The following GNL1 variants were observed in gnomAD, a reference collection of about 807,000 sequenced individuals.
The protein encoded by GNL1 is G protein nucleolar 1.
Under a neutral mutation model 75.2 loss-of-function variants are expected in GNL1, and 21 were observed. The observed-to-expected ratio is 0.28, with a 90% CI of 0.20 to 0.40. The LOEUF is 0.40. Among genes scored for constraint, GNL1 ranks in the 10% least tolerant of loss-of-function variants. The probability of loss-of-function intolerance (pLI) is 1.00; values close to 1 mark genes in which losing one functional copy is unlikely to be tolerated. For synonymous variants in GNL1, 287 were observed against 303.4 expected (o/e 0.95, Z 0.56); for missense variants, 579 against 775.0 (o/e 0.75, Z 3.00).
At chr6:30,554,031 TGTGA>T (rs764382603) in intron 5 of GNL1, among the ~76,000 whole-genome samples, 7 of 152,208 alleles carry the variant, frequency 4.6e-5, no homozygotes, top group African/African-American at 7.2e-5. Flanking sequence ...ATGATGTACG[TGTGA>T]GTATGTGTGT....
At position 30,547,196 on chromosome 6, in the gene GNL1, C is replaced by G; in HGVS notation, c.1357G>C (p.Val453Leu). ...AVGYLASRIP[V>L]QALLHLRHPE... ...TGGCGCAGGTGGAGCAGGGCCTGCA[C>G]GGGAATTCGGGAGGCCAGGTAGCCC... Residue 453 changes from valine to leucine, a missense_variant, in exon 10 of 12, where the codon GTG (valine) becomes CTG (leucine). Physicochemically the swap from Val to Leu is conservative, Grantham distance 32. Coordinates refer to ENST00000376621, the MANE Select transcript of GNL1 (RefSeq NM_005275.5). This position sits in a 1 kb window ranked among gnomAD's most constrained non-coding sequence, Gnocchi z 5.5. 1 of 1,612,972 alleles carries G rather than the reference C, an allele frequency of 6.2e-7. No homozygotes were observed.
Position 30,545,992 on chromosome 6 carries a change from TG to T in GNL1, c.*79del. 3 of 952,752 alleles carry T rather than the reference TG, an allele frequency of 3.1e-6. No individual in the cohort carries two copies. Among genetic ancestry groups the T allele is most frequent in the South Asian group, 1.5e-5 (1 of 67,642 alleles). The allele number at this position is 952,752 out of a possible 1,614,324, so 59.0% of individuals were successfully genotyped here. ...AAAGCAAACAATCTTTATTCACAAT[TG>T]GGGTGGCAGAGGGGAGATACCCCCA... On this transcript the variant is annotated 3_prime_UTR_variant, in exon 12 of 12. Transcript: ENST00000376621.
rs1470458326 is a variant in GNL1 at position 30,545,144 on chromosome 6, T to A, written c.*928A>T. The A allele has an allele frequency of 6.6e-6, 1 of 152,104 alleles. No individual in the cohort carries two copies. Among genetic ancestry groups the A allele is most frequent in the Non-Finnish European group, 1.5e-5 (1 of 68,026 alleles). 9.4% of individuals were successfully genotyped at this position (152,104 alleles called of 1,614,324 possible). ...TGTTCCACCCCCAAACCAGAGTAAA[T>A]GGAATTCAGGAGGCTGGTTCTGTGC... On this transcript the variant is annotated 3_prime_UTR_variant, in exon 12 of 12. Coordinates refer to ENST00000376621, the MANE Select transcript of GNL1 (RefSeq NM_005275.5).
Position 30,552,727 on chromosome 6 carries a change from G to A in GNL1, c.905-66C>T. ...GCTGCTGTGCATGATGGCACATACT[G>A]TGCCCTGCACAGATTATGTAACTGG... On this transcript the variant is annotated intron_variant, in intron 7 of 11. Coordinates refer to ENST00000376621, the MANE Select transcript of GNL1 (RefSeq NM_005275.5). This position sits in a 1 kb window ranked among gnomAD's most constrained non-coding sequence, Gnocchi z 4.5. 3 of 1,431,984 alleles carry A rather than the reference G, an allele frequency of 2.1e-6. No homozygotes were observed. The South Asian group carries it at 3.8e-5, about 18-fold the overall frequency. 88.7% of individuals were successfully genotyped at this position (1,431,984 alleles called of 1,614,324 possible).
At position 30,556,266 on chromosome 6, in the gene GNL1, C is replaced by G. The variant is rs571818598; in HGVS notation, c.-63G>C. 1.9e-6 allele frequency: 3 copies of G among 1,560,058 alleles called. No individual in the cohort carries two copies. The Middle Eastern group carries it at 5.0e-4, about 260-fold the overall frequency. On this transcript the variant is annotated 5_prime_UTR_variant, in exon 1 of 12. Coordinates refer to ENST00000376621, the MANE Select transcript of GNL1 (RefSeq NM_005275.5). This position sits in a 1 kb window ranked among gnomAD's most constrained non-coding sequence, Gnocchi z 5.7. The stretch of plus-strand genomic sequence containing the variant: ...TCCCGCCGCCTCAACTGACTGCCCC[C>G]CGGGGCAGCCCCCGCCGCAGGGGCC...
Position 30,552,373 on chromosome 6 carries a change from G to T in GNL1, c.1099+94C>A. On this transcript the variant is annotated intron_variant, in intron 8 of 11. Coordinates refer to ENST00000376621, the MANE Select transcript of GNL1 (RefSeq NM_005275.5). This position sits in a 1 kb window ranked among gnomAD's most constrained non-coding sequence, Gnocchi z 4.5. ...AGAGATCACCCCTCAGACACCCTGG[G>T]GCCTAATGAGACCTGATCGCCCTCT... 9.5e-7 allele frequency: 1 copy of T among 1,050,560 alleles called. No individual in the cohort carries two copies. Among genetic ancestry groups the T allele is most frequent in the East Asian group, 2.4e-5 (1 of 41,500 alleles). The allele number at this position is 1,050,560 out of a possible 1,614,324, so 65.1% of individuals were successfully genotyped here.
rs772958836 is a variant in GNL1, at chr6:30,547,280, G to A, written c.1279-6C>T. 3.2e-6 allele frequency: 5 copies of A among 1,586,404 alleles called. No homozygotes were observed. The South Asian group carries it at 5.7e-5, about 18-fold the overall frequency. ...GGGTAGATCCCTGCCAGAACCTGAG[G>A]GAAATGAGCACTCAGTACTTTCCTC... On this transcript the variant is annotated splice_polypyrimidine_tract_variant and splice_region_variant and intron_variant, in intron 9 of 11. Coordinates refer to ENST00000376621, the MANE Select transcript of GNL1 (RefSeq NM_005275.5). This position sits in a 1 kb window ranked among gnomAD's most constrained non-coding sequence, Gnocchi z 5.5.
At position 30,546,364 on chromosome 6, in the gene GNL1, A is replaced by G. The variant is rs1482122138; in HGVS notation, c.1583-51T>C. ...TGGAGGAGAGTTTTGAGCAAGAACT[A>G]AAGCCAAGGAAAGATGGGGAAGAGG... On this transcript the variant is annotated intron_variant, in intron 11 of 11. Coordinates refer to ENST00000376621, the MANE Select transcript of GNL1 (RefSeq NM_005275.5). The surrounding 1 kb of genome is among the most constrained non-coding windows in gnomAD (Gnocchi z 5.1). 2.7e-6 allele frequency: 3 copies of G among 1,111,508 alleles called. No individual in the cohort carries two copies. The highest frequency in any genetic ancestry group is 4.0e-6 in the Non-Finnish European group (3 of 756,178). 68.9% of individuals were successfully genotyped at this position (1,111,508 alleles called of 1,614,324 possible).
chr6:30,547,143 T>C lies in GNL1; in HGVS notation c.1410A>G (p.Glu470=), dbSNP rs1799500276. The C allele has an allele frequency of 1.9e-6, 3 of 1,612,410 alleles. No homozygotes were observed. In the African/African-American group the frequency reaches 4.0e-5, roughly 22 times the overall value. ...RHPEAEDPSA[E]HPWCAWDICE... The stretch of plus-strand genomic sequence containing the variant: ...AGATGTCCCAGGCACACCAGGGGTG[T>C]TCCGCTGAGGGGTCCTCAGCCTCTG... The change falls in exon 10 of 12, where the codon GAA becomes GAG. Residue 470 remains glutamate (E), a synonymous_variant. Coordinates refer to ENST00000376621, the MANE Select transcript of GNL1 (RefSeq NM_005275.5). The surrounding 1 kb of genome is among the most constrained non-coding windows in gnomAD (Gnocchi z 5.5).
Position 30,548,880 on chromosome 6 carries a change from GCTAT to G in GNL1, c.1100-1354_1100-1351del, listed in dbSNP as rs1330067131. Among the ~76,000 whole-genome samples the G allele has an allele frequency of 4.6e-5, 7 of 152,142 alleles. No homozygotes were observed. The highest frequency in any genetic ancestry group is 8.8e-5 in the Non-Finnish European group (6 of 68,030). ...CCTACTTTTTTCACCATTTCTTCCTGCTATCTTCTTTGTAACTGTAAACTACAAC... is the reference window on the plus strand; with the variant it reads ...CCTACTTTTTTCACCATTTCTTCCTGCTTCTTTGTAACTGTAAACTACAAC... On this transcript the variant is annotated intron_variant, in intron 8 of 11. Coordinates refer to ENST00000376621, the MANE Select transcript of GNL1 (RefSeq NM_005275.5). The surrounding 1 kb of genome is among the most constrained non-coding windows in gnomAD (Gnocchi z 4.2).
chr6:30,546,037 G>A lies in GNL1; in HGVS notation c.*35C>T. On this transcript the variant is annotated 3_prime_UTR_variant, in exon 12 of 12. Coordinates refer to ENST00000376621, the MANE Select transcript of GNL1 (RefSeq NM_005275.5). The surrounding 1 kb of genome is among the most constrained non-coding windows in gnomAD (Gnocchi z 5.1). The stretch of plus-strand genomic sequence containing the variant: ...ACCCCCAGGTCAGTCCAAAAGCAAA[G>A]ATACTGGGAGGGAAGATGGCGCTGG... 6.6e-6 allele frequency: 10 copies of A among 1,518,316 alleles called. No individual in the cohort carries two copies. The highest frequency in any genetic ancestry group is 9.1e-6 in the Non-Finnish European group (10 of 1,104,828). 94.1% of individuals were successfully genotyped at this position (1,518,316 alleles called of 1,614,324 possible). A position where few individuals can be genotyped will look rare whatever the true frequency, so the allele number is the denominator to read the frequency against.
In GNL1 at chr6:30,552,170, T is replaced by A. The variant is rs1438523385; in HGVS notation, c.1099+297A>T. On this transcript the variant is annotated intron_variant, in intron 8 of 11. Coordinates refer to ENST00000376621, the MANE Select transcript of GNL1 (RefSeq NM_005275.5). This position sits in a 1 kb window ranked among gnomAD's most constrained non-coding sequence, Gnocchi z 4.5. ...CATGAGCCCTCACACATGGCCGTCA[T>A]CCATTCTTTTACTCAGGTATCAATG... is the stretch of plus-strand genomic sequence containing the variant. 1 of 406,014 alleles carries A rather than the reference T, an allele frequency of 2.5e-6. No homozygotes were observed. The allele number at this position is 406,014 out of a possible 1,614,324, so 25.2% of individuals were successfully genotyped here.
Position 30,547,793 on chromosome 6 carries a change from T to G in GNL1, c.1100-263A>C. On this transcript the variant is annotated intron_variant, in intron 8 of 11. Transcript: ENST00000376621. This position sits in a 1 kb window ranked among gnomAD's most constrained non-coding sequence, Gnocchi z 5.5. Reference sequence around the variant, plus strand: ...CTCCCTACCTCAGGGTGGTCAGGATTAAATGAGATAACCAATACAACTTGT... The same window carrying G: ...CTCCCTACCTCAGGGTGGTCAGGATGAAATGAGATAACCAATACAACTTGT... 1 of 530,780 alleles carries G rather than the reference T, an allele frequency of 1.9e-6. No homozygotes were observed. 32.9% of individuals were successfully genotyped at this position (530,780 alleles called of 1,614,324 possible).
chr6:30,554,336 G>A (rs1249482837), intron 5 of GNL1, among the ~76,000 whole-genome samples: 1 of 152,176 alleles, frequency 6.6e-6, no homozygotes, highest in Non-Finnish European at 1.5e-5. Flanking sequence ...CTATTGGTCT[G>A]TGATGAGCTA....
Position 30,555,246 on chromosome 6 carries a change from T to C in GNL1, c.240-55A>G. The C allele has an allele frequency of 6.2e-7, 1 of 1,605,818 alleles. No individual in the cohort carries two copies. Among genetic ancestry groups the C allele is most frequent in the Non-Finnish European group, 8.5e-7 (1 of 1,174,040 alleles). Reference sequence around the variant, plus strand: ...GCAATCCTGTGGCCACAAACTCCTATTTTCTCCCCTCTTGTACAATCAACT... The same window carrying C: ...GCAATCCTGTGGCCACAAACTCCTACTTTCTCCCCTCTTGTACAATCAACT... On this transcript the variant is annotated intron_variant, in intron 2 of 11. Transcript: ENST00000376621. The surrounding 1 kb of genome is among the most constrained non-coding windows in gnomAD (Gnocchi z 4.3).
rs763705994 is a variant in GNL1, at chr6:30,555,129, C to G, written c.302G>C (p.Arg101Pro). The change falls in exon 3 of 12, where the codon CGG becomes CCG. Residue 101 changes from arginine to proline, a missense_variant. By Grantham distance (103) the Arg-to-Pro change is moderately radical. Transcript: ENST00000376621. This position sits in a 1 kb window ranked among gnomAD's most constrained non-coding sequence, Gnocchi z 4.3. Reference protein sequence around the residue: ...EEVERRKRAAREQVLQPVSAE... With the variant: ...EEVERRKRAAPEQVLQPVSAE... ...ACTGACCGGCTGTAGAACTTGCTCC[C>G]GGGCTGCTCTCTTTCTCCTCTCTAC... 1 of 1,613,038 alleles carries G rather than the reference C, an allele frequency of 6.2e-7. No individual in the cohort carries two copies. Among genetic ancestry groups the G allele is most frequent in the Non-Finnish European group, 8.5e-7 (1 of 1,180,004 alleles).
rs374911155 is a variant in GNL1 at position 30,547,313 on chromosome 6, C to T, written c.1278+39G>A. The T allele has an allele frequency of 1.5e-5, 24 of 1,581,086 alleles. No homozygotes were observed. Among genetic ancestry groups the T allele is most frequent in the Middle Eastern group, 1.7e-4 (1 of 5,916 alleles). ...GCACTCAGTACTTTCCTCAATGTCC[C>T]ACCTTCTCTCTTTCCCTTACCCACC... On this transcript the variant is annotated intron_variant, in intron 9 of 11. Transcript: ENST00000376621. The surrounding 1 kb of genome is among the most constrained non-coding windows in gnomAD (Gnocchi z 5.5).
At chr6:30,553,680 A>G (rs1019130475) in intron 5 of GNL1, 123 bp from the exon 6 acceptor site, 18 of 679,168 alleles carry the variant, frequency 2.7e-5, no homozygotes, top group Middle Eastern at 3.6e-4. Flanking sequence ...CTCTGGGCTA[A>G]AAACTATAAA....
At chr6:30,549,154 C>T (rs952857937) in intron 8 of GNL1, among the ~76,000 whole-genome samples, 7 of 152,100 alleles carry the variant, frequency 4.6e-5, no homozygotes, top group Admixed American at 4.6e-4. Context: ...TGCGGCTCCA[C>T]ACCTGGCTAA....
Sources: gnomAD v4.1 joint callset for allele counts (sites outside exome capture counted in the v4.1 genomes callset) on GRCh38, gnomAD v4.1.1 for gene constraint, Gnocchi (gnomAD v3.1) non-coding constraint, MANE v1.5 for transcripts, NCBI Gene and HGNC (gene_info 2026-07-23, HGNC 2026-07-21) for gene names.